Variants in PIP5K1A observed in about 807,000 individuals in gnomAD.
PIP5K1A encodes phosphatidylinositol 4-phosphate 5-kinase type-1 alpha.
In PIP5K1A, 46 loss-of-function variants were observed where a neutral mutation model predicts 72.9. That is an observed-to-expected ratio of 0.63 (90% CI 0.50 to 0.81). PIP5K1A has a LOEUF of 0.81. Among genes scored for constraint, PIP5K1A ranks in the 30% least tolerant of loss-of-function variants. The pLI, the probability that PIP5K1A is intolerant of heterozygous loss-of-function variation, is 0.00. For synonymous variants in PIP5K1A, 228 were observed against 255.1 expected (o/e 0.89, Z 1.01); for missense variants, 458 against 706.1 (o/e 0.65, Z 3.98).
intron 1 of PIP5K1A, among the ~76,000 whole-genome samples, chr1:151,214,010 C>T (rs1403106099): frequency 1.3e-5 from 2 of 152,010 alleles, no homozygotes; most frequent in Non-Finnish European, 1.5e-5. Flanking sequence ...TGTATAAGTT[C>T]ATGTGAATTT....
At chr1:151,203,481 A>G (rs1259306823) in intron 1 of PIP5K1A, among the ~76,000 whole-genome samples, 2 of 150,606 alleles carry the variant, frequency 1.3e-5, no homozygotes, top group African/African-American at 4.9e-5. Flanking sequence ...ATGAGTCAAG[A>G]TCACACCATT....
rs184450186 is a variant in PIP5K1A at position 151,234,781 on chromosome 1, C to T, written c.939+285C>T. 3.2e-3 allele frequency among the ~76,000 whole-genome samples: 485 copies of T among 152,278 alleles called. 1 individual carries two copies. Among genetic ancestry groups the T allele is most frequent in the Non-Finnish European group, 5.7e-3 (390 of 68,036 alleles). On this transcript the variant is annotated intron_variant, in intron 8 of 15. Transcript: ENST00000368888. Reference sequence around the variant, plus strand: ...CATCATCCTTCCTCAGATTTTGGTCCTGGCTGCCAAATCCAAATTTATATT... The same window carrying T: ...CATCATCCTTCCTCAGATTTTGGTCTTGGCTGCCAAATCCAAATTTATATT...
At chr1:151,221,889 TAGTG>T (rs1427845933) in intron 1 of PIP5K1A, among the ~76,000 whole-genome samples, 2 of 151,894 alleles carry the variant, frequency 1.3e-5, no homozygotes, top group Admixed American at 6.6e-5. Flanking sequence ...CTGGGCAACA[TAGTG>T]AGACCTCATA....
rs1692751350 is a variant in PIP5K1A at position 151,247,959 on chromosome 1, C to G, written c.*94C>G. 8.9e-7 allele frequency: 1 copy of G among 1,118,588 alleles called. No homozygotes were observed. The highest frequency in any genetic ancestry group is 1.4e-6 in the Non-Finnish European group (1 of 731,390). 69.3% of individuals were successfully genotyped at this position (1,118,588 alleles called of 1,614,324 possible). A position where few individuals can be genotyped will look rare whatever the true frequency, so the allele number is the denominator to read the frequency against. On this transcript the variant is annotated 3_prime_UTR_variant, in exon 16 of 16. Coordinates refer to ENST00000368888, the MANE Select transcript of PIP5K1A (RefSeq NM_001135638.2). ...CCCAGCAATGCTGAATTTTCTTCTA[C>G]TTGGTCATCAAAAAAGGAGTGTAAT...
intron 3 of PIP5K1A, among the ~76,000 whole-genome samples, chr1:151,224,788 A>G (rs1688871787): frequency 1.3e-5 from 2 of 152,226 alleles, no homozygotes; most frequent in South Asian, 2.1e-4. Context: ...TAGTTTCACA[A>G]GTTTCTCTTT....
chr1:151,197,279 T>A (rs925899894), upstream of PIP5K1A, among the ~76,000 whole-genome samples: 1 of 151,876 alleles, frequency 6.6e-6, no homozygotes, highest in African/African-American at 2.4e-5. Flanking sequence ...TTTTTTTGTT[T>A]GTTTGTTTTG....
intron 1 of PIP5K1A, among the ~76,000 whole-genome samples, chr1:151,221,067 A>C (rs1164528038): frequency 6.6e-6 from 1 of 152,156 alleles, no homozygotes; most frequent in Non-Finnish European, 1.5e-5. Flanking sequence ...CAACACCCAA[A>C]CAGGTTTCAC....
At chr1:151,216,142 A>T in intron 1 of PIP5K1A, 2 of 433,256 alleles carry the variant, frequency 4.6e-6, no homozygotes, top group East Asian at 1.4e-4. Flanking sequence ...AGGTCAGGAG[A>T]TCGAGACCAT....
intron 1 of PIP5K1A, among the ~76,000 whole-genome samples, chr1:151,219,850 C>CGTTTTTTTTTTTTTT (rs1257084814): frequency 1.0e-5 from 1 of 97,834 alleles, no homozygotes; most frequent in African/African-American, 3.8e-5. Context: ...CATATTCTTT[C>CGTTTTTTTTTTTTTT]CTTTTTTTTT....
At chr1:151,228,136 T>TC (rs587737847) in intron 4 of PIP5K1A, among the ~76,000 whole-genome samples, 130 of 150,386 alleles carry the variant, frequency 8.6e-4, no homozygotes, top group African/African-American at 3.1e-3. Flanking sequence ...GACTTTTTTT[T>TC]CTCTTCCATT....
upstream of PIP5K1A, among the ~76,000 whole-genome samples, chr1:151,196,861 T>TGCATGGGGATATTCTATGGA (rs34415860): frequency 6.2e-5 from 1 of 16,012 alleles, no homozygotes; most frequent in Non-Finnish European, 1.9e-4. Flanking sequence ...GCGCCCGGCC[T>TGCATGGGGATATTCTATGGA]TTTTTTTTTT....
chr1:151,197,963 G>A (rs764893138), upstream of PIP5K1A: 28 of 448,874 alleles, frequency 6.2e-5, no homozygotes, highest in Non-Finnish European at 1.3e-4. Flanking sequence ...CGGGAAGGTT[G>A]TGATAAGTCC....
At chr1:151,244,193 AAGTC>A (rs1428568809) in intron 14 of PIP5K1A, among the ~76,000 whole-genome samples, 1 of 146,744 alleles carries the variant, frequency 6.8e-6, no homozygotes, top group Non-Finnish European at 1.5e-5. Context: ...AAAAAAAAAA[AAGTC>A]GTGAAAATGT....
At chr1:151,224,085 G>A in intron 1 of PIP5K1A, 160 bp from the exon 2 acceptor site, 1 of 687,494 alleles carries the variant, frequency 1.5e-6, no homozygotes, top group South Asian at 1.7e-5. Flanking sequence ...AGGAGAGAGG[G>A]ACATACACAG....
chr1:151,232,499 G>A, intron 6 of PIP5K1A, 52 bp from the exon 7 acceptor site: 2 of 1,568,140 alleles, frequency 1.3e-6, no homozygotes, highest in East Asian at 2.2e-5. Context: ...TTTTTGTGTT[G>A]GGCAAGGCCC....
At chr1:151,240,769 A>C (rs192504588) in intron 12 of PIP5K1A, among the ~76,000 whole-genome samples, 1 of 152,150 alleles carries the variant, frequency 6.6e-6, no homozygotes, top group Non-Finnish European at 1.5e-5. Flanking sequence ...CTCTACAACA[A>C]ATTTTAAAAA....
intron 8 of PIP5K1A, among the ~76,000 whole-genome samples, chr1:151,236,095 T>C (rs1690807873): frequency 7.1e-6 from 1 of 141,234 alleles, no homozygotes; most frequent in African/African-American, 2.7e-5. Context: ...TACTCCAGCC[T>C]GGCGACAAAG....
In PIP5K1A at chr1:151,238,194, C is replaced by T; in HGVS notation, c.1158C>T (p.Ile386=). 6.2e-7 allele frequency: 1 copy of T among 1,611,470 alleles called. No homozygotes were observed. The highest frequency in any genetic ancestry group is 8.5e-7 in the Non-Finnish European group (1 of 1,177,700). Residue 386 remains isoleucine (I), a synonymous_variant, in exon 10 of 16, where the codon ATC becomes ATT. Coordinates refer to ENST00000368888, the MANE Select transcript of PIP5K1A (RefSeq NM_001135638.2). ...TTGCCTTTTCCAGTATGGGTGGCAT[C>T]CCTGCCCGGAATAGTAAAGGGGAAA... The part of the protein sequence containing the change: ...TMETDDHMGG[I]PARNSKGERL...
chr1:151,210,164 G>C (rs965822642), intron 1 of PIP5K1A, among the ~76,000 whole-genome samples: 3 of 151,722 alleles, frequency 2.0e-5, no homozygotes, highest in Admixed American at 2.0e-4. Context: ...GATTACAGGT[G>C]TGAGCCACTG....
Sources: allele counts gnomAD v4.1 joint callset (sites outside exome capture counted in the v4.1 genomes callset), GRCh38; gene constraint gnomAD v4.1.1; transcripts MANE v1.5; gene names NCBI Gene and HGNC (gene_info 2026-07-23, HGNC 2026-07-21).